The following IGF2BP2 variants were observed in gnomAD, a reference collection of about 807,000 sequenced individuals.
The protein encoded by IGF2BP2 is insulin-like growth factor 2 mRNA-binding protein 2.
IGF2BP2 carries 17 observed loss-of-function variants against 75.8 expected under a neutral mutation model. That is an observed-to-expected ratio of 0.22 (90% CI 0.15 to 0.34). The LOEUF (loss-of-function observed/expected upper bound fraction) is 0.34. IGF2BP2 is among the 10% of genes least tolerant of loss of function. The probability of loss-of-function intolerance (pLI) is 1.00; values close to 1 mark genes in which losing one functional copy is unlikely to be tolerated. For synonymous variants in IGF2BP2, 288 were observed against 295.6 expected, an observed-to-expected ratio of 0.97 and a Z score of 0.26; for missense variants, 516 against 772.4, an observed-to-expected ratio of 0.67 and a Z score of 3.93.
intron 2 of IGF2BP2, among the ~76,000 whole-genome samples, chr3:185,815,889 G>A (rs537446724): frequency 1.2e-3 from 183 of 152,206 alleles, no homozygotes; most frequent in African/African-American, 4.1e-3. Flanking sequence ...TTTTTTGTGC[G>A]ATTATAAAAT....
At chr3:185,710,957 GAAT>G (rs1299401664) in intron 2 of IGF2BP2, among the ~76,000 whole-genome samples, 3 of 151,392 alleles carry the variant, frequency 2.0e-5, no homozygotes, top group African/African-American at 7.3e-5. Context: ...AAATGCTGAA[GAAT>G]ATTATTAGCT....
chr3:185,819,762 T>A (rs1362836271), intron 2 of IGF2BP2, among the ~76,000 whole-genome samples: 1 of 152,112 alleles, frequency 6.6e-6, no homozygotes, highest in Non-Finnish European at 1.5e-5. Context: ...CCACACAATT[T>A]TAACCTAATA....
intron 2 of IGF2BP2, among the ~76,000 whole-genome samples, chr3:185,759,047 A>AGGGGGACACACCT (rs981931289): frequency 1.3e-5 from 2 of 152,244 alleles, no homozygotes; most frequent in African/African-American, 4.8e-5. Context: ...GGCCACTGTG[A>AGGGGGACACACCT]GGGGGACACA....
chr3:185,715,552 C>A (rs191015126), intron 2 of IGF2BP2, among the ~76,000 whole-genome samples: 3 of 152,152 alleles, frequency 2.0e-5, no homozygotes, highest in Non-Finnish European at 4.4e-5. Flanking sequence ...CTGAAATGTG[C>A]GGTGCAAGTG....
chr3:185,689,644 CA>C lies in IGF2BP2; in HGVS notation c.405-18del, dbSNP rs1721648150. 1 of 1,613,944 alleles carries C rather than the reference CA, an allele frequency of 6.2e-7. No individual in the cohort carries two copies. The highest frequency in any genetic ancestry group is 8.5e-7 in the Non-Finnish European group (1 of 1,179,874). Reference sequence around the variant, plus strand: ...TCCATGGCTCTGAAATGCAGCAGGACAGGGGAGCTTCGTCAGAAACCAACAT... The same window carrying C: ...TCCATGGCTCTGAAATGCAGCAGGACGGGGAGCTTCGTCAGAAACCAACAT... On this transcript the variant is annotated intron_variant, in intron 5 of 15. Transcript: ENST00000382199.
rs1429842646 is a variant in IGF2BP2, at chr3:185,748,803, C to T, written c.240-50456G>A. On this transcript the variant is annotated intron_variant, in intron 2 of 15. Transcript: ENST00000382199. ...GCCATTGATAACCTCAGAAATTCTA[C>T]AAGGTCCCCTTATCAGCCATTAAAA... 2.6e-5 allele frequency among the ~76,000 whole-genome samples: 4 copies of T among 152,232 alleles called. No individual in the cohort carries two copies. In the East Asian group the frequency reaches 7.7e-4, roughly 29 times the overall value.
intron 2 of IGF2BP2, among the ~76,000 whole-genome samples, chr3:185,736,205 T>G (rs755861265): frequency 7.2e-5 from 11 of 152,160 alleles, no homozygotes; most frequent in Non-Finnish European, 1.3e-4. Context: ...AAGGGGGTAC[T>G]GGGCCAAGGT....
At chr3:185,783,835 T>C (rs1375801530) in intron 2 of IGF2BP2, among the ~76,000 whole-genome samples, 1 of 152,238 alleles carries the variant, frequency 6.6e-6, no homozygotes, top group African/African-American at 2.4e-5. Flanking sequence ...TTGATATTTT[T>C]ACGTTAAAGC....
chr3:185,804,361 G>A (rs1578364761), intron 2 of IGF2BP2, among the ~76,000 whole-genome samples: 1 of 151,876 alleles, frequency 6.6e-6, no homozygotes, highest in African/African-American at 2.4e-5. Context: ...GAACCCGGGA[G>A]GCAGAGGTTG....
At chr3:185,695,489 G>A (rs1025871447) in intron 4 of IGF2BP2, among the ~76,000 whole-genome samples, 7 of 152,224 alleles carry the variant, frequency 4.6e-5, no homozygotes, top group African/African-American at 1.4e-4. Context: ...TTTTTCAAGG[G>A]TTCGCAGTCA....
intron 2 of IGF2BP2, among the ~76,000 whole-genome samples, chr3:185,714,655 A>G (rs796816894): frequency 2.0e-5 from 3 of 152,308 alleles, no homozygotes; most frequent in African/African-American, 7.2e-5. Flanking sequence ...TTCATATATT[A>G]AAGAACCTAT....
intron 6 of IGF2BP2, among the ~76,000 whole-genome samples, chr3:185,687,861 C>A (rs983071881): frequency 3.9e-5 from 6 of 151,922 alleles, no homozygotes; most frequent in African/African-American, 1.5e-4. Flanking sequence ...AGAGCCAAGT[C>A]TTTGGTTGAC....
At chr3:185,680,810 A>G (rs1236846638) in intron 7 of IGF2BP2, among the ~76,000 whole-genome samples, 5 of 87,782 alleles carry the variant, frequency 5.7e-5, no homozygotes, top group African/African-American at 2.4e-4. Context: ...AATCAATACA[A>G]TAAATCACAT....
intron 2 of IGF2BP2, among the ~76,000 whole-genome samples, chr3:185,711,591 AGAGAGGTGCACATGG>A (rs1330580451): frequency 6.6e-6 from 1 of 152,254 alleles, no homozygotes; most frequent in East Asian, 1.9e-4. Context: ...ACCCACCAGC[AGAGAGGTGCACATGG>A]GAGTCAATAC....
chr3:185,654,059 G>A (rs554224511), intron 12 of IGF2BP2, among the ~76,000 whole-genome samples: 1 of 152,154 alleles, frequency 6.6e-6, no homozygotes. Context: ...CTGCTTTATT[G>A]TGAGTACATA....
At chr3:185,686,529 A>T (rs1362028354) in intron 7 of IGF2BP2, among the ~76,000 whole-genome samples, 1 of 152,210 alleles carries the variant, frequency 6.6e-6, no homozygotes, top group Non-Finnish European at 1.5e-5. Context: ...ACAATTTAGA[A>T]GCATGGTGGG....
chr3:185,766,445 G>GA (rs1045509163), intron 2 of IGF2BP2, among the ~76,000 whole-genome samples: 1 of 151,068 alleles, frequency 6.6e-6, no homozygotes, highest in Non-Finnish European at 1.5e-5. Flanking sequence ...TAAATGGTTG[G>GA]AAAAAAAATA....
At chr3:185,776,159 C>A (rs1230271807) in intron 2 of IGF2BP2, among the ~76,000 whole-genome samples, 1 of 152,150 alleles carries the variant, frequency 6.6e-6, no homozygotes, top group Non-Finnish European at 1.5e-5. Context: ...GTGGGAAGAT[C>A]ACTTGAGCCC....
intron 2 of IGF2BP2, among the ~76,000 whole-genome samples, chr3:185,768,994 T>C (rs1443767176): frequency 6.6e-6 from 1 of 152,110 alleles, no homozygotes; most frequent in African/African-American, 2.4e-5. Context: ...GCCACTGCAC[T>C]CCAGCCTGGG....
Sources: allele counts gnomAD v4.1 joint callset (sites outside exome capture counted in the v4.1 genomes callset), GRCh38; gene constraint gnomAD v4.1.1; transcripts MANE v1.5; gene names NCBI Gene and HGNC (gene_info 2026-07-23, HGNC 2026-07-21).